Variants in CCDC146 observed in about 807,000 individuals in gnomAD.
The protein encoded by CCDC146 is coiled-coil domain-containing protein 146.
A neutral mutation model predicts 119.3 loss-of-function variants in CCDC146; 92 were observed. The observed-to-expected ratio is 0.77, with a 90% confidence interval of 0.65 to 0.92. The LOEUF is 0.92. CCDC146 is among the 40% of genes least tolerant of loss of function. The pLI, the probability that CCDC146 is intolerant of heterozygous loss-of-function variation, is 0.00. For missense variants in CCDC146, 1,000 were observed against 1,103.0 expected, an observed-to-expected ratio of 0.91 and a Z score of 1.32; for synonymous variants, 372 against 371.8, an observed-to-expected ratio of 1.00 and a Z score of -0.01.
rs370083763 is a variant in CCDC146 at position 77,273,711 on chromosome 7, A to AGAT, written c.1195_1197dup (p.Asp399dup). ...ATTTCCAGATGGAAGCTATCCCCAAAGATGATTCTACATTATCTGAGAGAA... is the reference window on the plus strand; with the variant it reads ...ATTTCCAGATGGAAGCTATCCCCAAAGATGATGATTCTACATTATCTGAGAGAA... On this transcript the variant is annotated inframe_insertion, in exon 10 of 19. Transcript: ENST00000285871. The AGAT allele has an allele frequency of 1.6e-4, 253 of 1,609,772 alleles. 1 individual carries two copies. In the African/African-American group the frequency reaches 3.0e-3, roughly 19 times the overall value.
At chr7:77,177,550 C>G (rs1333600112) in intron 2 of CCDC146, among the ~76,000 whole-genome samples, 2 of 152,212 alleles carry the variant, frequency 1.3e-5, no homozygotes, top group Non-Finnish European at 2.9e-5. Context: ...ACATTGTTCA[C>G]TTGACATTCA....
chr7:77,264,343 C>T (rs369704093), intron 9 of CCDC146, among the ~76,000 whole-genome samples: 78 of 152,268 alleles, frequency 5.1e-4, no homozygotes, highest in African/African-American at 1.7e-3. Flanking sequence ...CTGCAATCTC[C>T]ACCTCCCGGG....
intron 1 of CCDC146, among the ~76,000 whole-genome samples, chr7:77,138,353 A>G (rs1024915639): frequency 1.3e-5 from 2 of 151,330 alleles, no homozygotes; most frequent in African/African-American, 4.8e-5. Context: ...AATGAATCTA[A>G]ACACAGTTCT....
intron 1 of CCDC146, among the ~76,000 whole-genome samples, chr7:77,151,846 G>C (rs935165947): frequency 3.9e-5 from 6 of 152,106 alleles, no homozygotes; most frequent in African/African-American, 1.4e-4. Flanking sequence ...ATTCCCCGCT[G>C]GCTCTCAGTT....
intron 1 of CCDC146, among the ~76,000 whole-genome samples, chr7:77,141,502 C>G (rs554455876): frequency 7.2e-5 from 11 of 152,208 alleles, no homozygotes; most frequent in Non-Finnish European, 1.5e-4. Flanking sequence ...ACACTGTCTT[C>G]CACAATGGTT....
chr7:77,238,203 G>A (rs1392578678), intron 3 of CCDC146, among the ~76,000 whole-genome samples: 1 of 152,074 alleles, frequency 6.6e-6, no homozygotes, highest in Non-Finnish European at 1.5e-5. Flanking sequence ...ACACCTAATG[G>A]AGGTTCCATT....
intron 17 of CCDC146, among the ~76,000 whole-genome samples, chr7:77,292,678 A>G (rs1584154112): frequency 6.6e-6 from 1 of 151,542 alleles, no homozygotes; most frequent in East Asian, 1.9e-4. Flanking sequence ...AAAAATGGGC[A>G]CTAAACTGTT....
At chr7:77,141,093 C>T (rs552194982) in intron 1 of CCDC146, among the ~76,000 whole-genome samples, 22 of 152,264 alleles carry the variant, frequency 1.4e-4, no homozygotes, top group South Asian at 2.1e-4. Flanking sequence ...TGACAGGCCT[C>T]GGTGTGTGAT....
chr7:77,179,598 C>T (rs144548814), intron 2 of CCDC146, among the ~76,000 whole-genome samples: 1,613 of 152,080 alleles, frequency 0.011, 18 homozygotes, highest in Non-Finnish European at 0.016. Context: ...TCTGCTCTTG[C>T]AGATAATGAT....
intron 1 of CCDC146, among the ~76,000 whole-genome samples, chr7:77,137,799 A>G (rs1790879772): frequency 6.6e-6 from 1 of 152,046 alleles, no homozygotes; most frequent in Non-Finnish European, 1.5e-5. Context: ...CCCAATATTG[A>G]AGGAGAAGAA....
chr7:77,285,554 C>T (rs1273633065), intron 15 of CCDC146, among the ~76,000 whole-genome samples: 1 of 152,148 alleles, frequency 6.6e-6, no homozygotes, highest in African/African-American at 2.4e-5. Flanking sequence ...TATGATGGAT[C>T]AACCCCATGG....
At chr7:77,263,108 G>C (rs1277207374) in intron 9 of CCDC146, among the ~76,000 whole-genome samples, 1 of 152,190 alleles carries the variant, frequency 6.6e-6, no homozygotes, top group Admixed American at 6.5e-5. Context: ...TTGAACAGGA[G>C]TTTCCAGCTG....
intron 2 of CCDC146, chr7:77,197,092 T>A: frequency 1.4e-6 from 1 of 704,972 alleles, no homozygotes. Context: ...TCAATGGCAG[T>A]AATGAAACTT....
chr7:77,213,472 A>G (rs1267304225), intron 2 of CCDC146, among the ~76,000 whole-genome samples: 1 of 152,018 alleles, frequency 6.6e-6, no homozygotes, highest in East Asian at 1.9e-4. Context: ...AACATTTATC[A>G]TTTCTTTTTA....
chr7:77,222,058 G>C (rs1792413900), intron 2 of CCDC146, among the ~76,000 whole-genome samples: 2 of 152,158 alleles, frequency 1.3e-5, no homozygotes, highest in South Asian at 4.1e-4. Flanking sequence ...TAAAGTACTT[G>C]GGAAATAATT....
intron 1 of CCDC146, among the ~76,000 whole-genome samples, chr7:77,144,784 A>G (rs1790989260): frequency 6.6e-6 from 1 of 151,728 alleles, no homozygotes; most frequent in South Asian, 2.1e-4. Context: ...ATCATGGTGG[A>G]TAAGCTTTTT....
At chr7:77,251,530 T>C (rs190857900) in intron 4 of CCDC146, among the ~76,000 whole-genome samples, 2 of 152,260 alleles carry the variant, frequency 1.3e-5, no homozygotes, top group Admixed American at 1.3e-4. Flanking sequence ...GCCTTGCAGT[T>C]TTTTTCTTGA....
At chr7:77,211,797 G>A (rs1792190242) in intron 2 of CCDC146, among the ~76,000 whole-genome samples, 1 of 151,964 alleles carries the variant, frequency 6.6e-6, no homozygotes. Flanking sequence ...TTTATCTTTA[G>A]TAGAGATGGG....
Position 77,278,893 on chromosome 7 carries a change from A to T in CCDC146, c.1530-44A>T, listed in dbSNP as rs998316757. On this transcript the variant is annotated intron_variant, in intron 12 of 18. Coordinates refer to ENST00000285871, the MANE Select transcript of CCDC146 (RefSeq NM_020879.3). ...ACGTAGGTGAGGGGAAAAAAACCTG[A>T]TGTTCATTTCATAAGTTTCAGTAAA... is the stretch of plus-strand genomic sequence containing the variant. 3 of 1,598,928 alleles carry T rather than the reference A, an allele frequency of 1.9e-6. No homozygotes were observed. The African/African-American group carries it at 4.0e-5, about 22-fold the overall frequency.
Sources: allele counts gnomAD v4.1 joint callset (sites outside exome capture counted in the v4.1 genomes callset), GRCh38; gene constraint gnomAD v4.1.1; transcripts MANE v1.5; gene names NCBI Gene and HGNC (gene_info 2026-07-23, HGNC 2026-07-21).